The following BPIFB1 variants were observed in gnomAD, a reference collection of about 807,000 sequenced individuals.
BPIFB1 encodes BPI fold-containing family B member 1.
A neutral mutation model predicts 55.1 loss-of-function variants in BPIFB1; 34 were observed. The ratio of observed to expected loss-of-function variants is 0.62; its 90% CI spans 0.47 to 0.82. The LOEUF (loss-of-function observed/expected upper bound fraction) is 0.82. BPIFB1 is among the 40% of genes least tolerant of loss of function. The probability of loss-of-function intolerance (pLI) is 0.00; values close to 1 mark genes in which losing one functional copy is unlikely to be tolerated. For missense variants in BPIFB1, 532 were observed against 593.1 expected (o/e 0.90, Z 1.07); for synonymous variants, 236 against 245.3 (o/e 0.96, Z 0.35).
Position 33,300,743 on chromosome 20 carries a change from C to T in BPIFB1, c.748-490C>T, listed in dbSNP as rs566876862. Among the ~76,000 whole-genome samples the T allele has an allele frequency of 3.3e-4, 50 of 152,214 alleles. 1 individual carries two copies. Among genetic ancestry groups the T allele is most frequent in the African/African-American group, 1.2e-3 (49 of 41,524 alleles). The stretch of plus-strand genomic sequence containing the variant: ...CTGGGACTGCAGGCACTCGCCACCA[C>T]GCCTGGCTAATTTTCTGTATTTTTT... On this transcript the variant is annotated intron_variant, in intron 8 of 15. Transcript: ENST00000253354.
chr20:33,286,630 T>C (rs997660832), intron 2 of BPIFB1, among the ~76,000 whole-genome samples: 2 of 152,214 alleles, frequency 1.3e-5, no homozygotes, highest in African/African-American at 4.8e-5. Context: ...ACTGGGCCAG[T>C]CCCTGAGCCT....
rs142095185 is a variant in BPIFB1, at chr20:33,289,389, A to C, written c.258-496A>C. 1.2e-3 allele frequency among the ~76,000 whole-genome samples: 179 copies of C among 149,332 alleles called. 1 individual carries two copies. Among genetic ancestry groups the C allele is most frequent in the East Asian group, 3.5e-3 (18 of 5,150 alleles). ...AGAGTGAGATTCTGTCTCAAAAAAAAAAAAACAAAAAAAAAAAAACAACCC... is the reference window on the plus strand; with the variant it reads ...AGAGTGAGATTCTGTCTCAAAAAAACAAAAACAAAAAAAAAAAAACAACCC... On this transcript the variant is annotated intron_variant, in intron 3 of 15. Transcript: ENST00000253354.
At chr20:33,296,220 G>C (rs1290475665) in intron 6 of BPIFB1, among the ~76,000 whole-genome samples, 1 of 152,178 alleles carries the variant, frequency 6.6e-6, no homozygotes, top group Non-Finnish European at 1.5e-5. Context: ...GGAATTGTGG[G>C]ATAAAATGCA....
intron 13 of BPIFB1, 119 bp downstream of exon 13, chr20:33,305,010 G>A (rs1025900063): frequency 6.9e-6 from 8 of 1,163,538 alleles, no homozygotes; most frequent in African/African-American, 6.0e-5. Context: ...ACCATGGGGG[G>A]CTGGCCGGTC....
At chr20:33,289,000 T>C in intron 3 of BPIFB1, 118 bp downstream of exon 3, 1 of 1,220,316 alleles carries the variant, frequency 8.2e-7, no homozygotes, top group Non-Finnish European at 1.1e-6. Context: ...TCACAAAGAG[T>C]GGATCAAACA....
intron 1 of BPIFB1, among the ~76,000 whole-genome samples, chr20:33,284,340 C>G (rs138507022): frequency 6.6e-6 from 1 of 152,284 alleles, no homozygotes; most frequent in South Asian, 2.1e-4. Context: ...TAACACTAAC[C>G]TTTTCAGCTT....
intron 1 of BPIFB1, among the ~76,000 whole-genome samples, chr20:33,284,657 G>T (rs1212735412): frequency 5.3e-5 from 8 of 152,198 alleles, no homozygotes; most frequent in Non-Finnish European, 1.0e-4. Flanking sequence ...GAGGGGCTCA[G>T]ATCTCTGCAG....
chr20:33,297,894 G>A (rs976924216), intron 7 of BPIFB1, among the ~76,000 whole-genome samples: 2 of 152,102 alleles, frequency 1.3e-5, no homozygotes, highest in Non-Finnish European at 2.9e-5. Flanking sequence ...CCTCATCCTC[G>A]GTTTCCTCAT....
chr20:33,297,570 C>A lies in BPIFB1; in HGVS notation c.643C>A (p.Leu215Ile). Residue 215 changes from leucine (L) to isoleucine (I), a missense_variant, in exon 7 of 16, where the codon CTC (leucine) becomes ATC (isoleucine). Leu to Ile is a conservative substitution (Grantham distance 5). Coordinates refer to ENST00000253354, the MANE Select transcript of BPIFB1 (RefSeq NM_033197.3). ...TTCCTTCAATGGCATGTATGCAGAC[C>A]TCCTGCAGCTGGTGAAGGGTAGGTG... ...EASFNGMYAD[L>I]LQLVKVPISL... 6.2e-7 allele frequency: 1 copy of A among 1,614,170 alleles called. No individual in the cohort carries two copies. The highest frequency in any genetic ancestry group is 1.1e-5 in the South Asian group (1 of 91,084).
chr20:33,296,035 G>C (rs1980644088), intron 6 of BPIFB1, among the ~76,000 whole-genome samples: 1 of 152,184 alleles, frequency 6.6e-6, no homozygotes, highest in South Asian at 2.1e-4. Context: ...GTAAATCCAT[G>C]GGTCTCAACC....
chr20:33,289,020 C>T (rs899357530), intron 3 of BPIFB1, 138 bp downstream of exon 3: 19 of 1,000,074 alleles, frequency 1.9e-5, no homozygotes, highest in Admixed American at 1.2e-4. Flanking sequence ...AAAGCCCCTC[C>T]GTCAAGAAGC....
intron 13 of BPIFB1, 99 bp downstream of exon 13, chr20:33,304,990 C>G: frequency 7.2e-7 from 1 of 1,384,308 alleles, no homozygotes; most frequent in Non-Finnish European, 1.0e-6. Context: ...AACAAGGTCC[C>G]CACAGAAGCA....
intron 1 of BPIFB1, among the ~76,000 whole-genome samples, chr20:33,284,053 T>C (rs1177987249): frequency 6.6e-6 from 1 of 152,198 alleles, no homozygotes; most frequent in South Asian, 2.1e-4. Flanking sequence ...CTGACTCCAA[T>C]ATTAGTAATA....
intron 4 of BPIFB1, 24 bp downstream of exon 4, chr20:33,290,016 C>G (rs769529977): frequency 1.3e-6 from 2 of 1,572,600 alleles, no homozygotes; most frequent in East Asian, 4.5e-5. Flanking sequence ...CCATCAAGTA[C>G]AGTAGGCTTG....
chr20:33,293,194 A>G (rs773830454), intron 6 of BPIFB1, among the ~76,000 whole-genome samples: 14 of 152,350 alleles, frequency 9.2e-5, no homozygotes, highest in Admixed American at 2.6e-4. Context: ...AAGTGCTGGG[A>G]TTATAGGCAT....
chr20:33,302,863 G>A (rs968924875), intron 10 of BPIFB1, 53 bp from the exon 11 acceptor site: 13 of 1,600,340 alleles, frequency 8.1e-6, no homozygotes, highest in Admixed American at 3.4e-5. Context: ...CACAGAGCCT[G>A]TGGGCCATGG....
chr20:33,295,958 G>GGGAGGGAAGAAA (rs1980640274), intron 6 of BPIFB1, among the ~76,000 whole-genome samples: 1 of 144,058 alleles, frequency 6.9e-6, no homozygotes, highest in African/African-American at 2.6e-5. Flanking sequence ...GAGAGAGGGA[G>GGGAGGGAAGAAA]GGAGGGAAGA....
At chr20:33,289,023 C>A (rs1166180771) in intron 3 of BPIFB1, 141 bp downstream of exon 3, 45 of 984,526 alleles carry the variant, frequency 4.6e-5, no homozygotes, top group Non-Finnish European at 7.2e-6. Flanking sequence ...GCCCCTCCGT[C>A]AAGAAGCTCC....
chr20:33,292,892 T>C (rs1980518773), intron 6 of BPIFB1, among the ~76,000 whole-genome samples: 1 of 152,264 alleles, frequency 6.6e-6, no homozygotes, highest in South Asian at 2.1e-4. Context: ...CTAATATTTC[T>C]TGGAATAAGA....
Sources: gnomAD v4.1 joint callset for allele counts (sites outside exome capture counted in the v4.1 genomes callset) on GRCh38, gnomAD v4.1.1 for gene constraint, MANE v1.5 for transcripts, NCBI Gene and HGNC (gene_info 2026-07-23, HGNC 2026-07-21) for gene names.